The following THEMIS variants were observed in gnomAD, a reference collection of about 807,000 sequenced individuals.
The protein encoded by THEMIS is thymocyte selection associated.
THEMIS carries 37 observed loss-of-function variants against 52.6 expected under a neutral mutation model. The ratio of observed to expected loss-of-function variants is 0.70; its 90% CI spans 0.54 to 0.93. The LOEUF (loss-of-function observed/expected upper bound fraction) is 0.93. THEMIS is among the 40% of genes least tolerant of loss of function. THEMIS has a pLI of 0.00. For missense variants in THEMIS, 808 were observed against 763.1 expected (o/e 1.06, Z -0.69); for synonymous variants, 292 against 272.7 (o/e 1.07, Z -0.70).
At chr6:127,802,224 A>G (rs1777559690) in intron 4 of THEMIS, among the ~76,000 whole-genome samples, 1 of 152,188 alleles carries the variant, frequency 6.6e-6, no homozygotes, top group Admixed American at 6.5e-5. Context: ...AGACCTACTC[A>G]TCCCAGCTGG....
At chr6:127,703,035 G>GTTTTTT in the THEMIS span, among the ~76,000 whole-genome samples, 155 of 82,354 alleles carry the variant, frequency 1.9e-3, 20 homozygotes, top group African/African-American at 6.1e-3. Flanking sequence ...TTTAGAATGA[G>GTTTTTT]TTTTTTTTTT....
downstream of THEMIS, among the ~76,000 whole-genome samples, chr6:127,707,403 TG>T (rs1414636151): frequency 6.6e-6 from 1 of 152,140 alleles, no homozygotes; most frequent in Non-Finnish European, 1.5e-5. Flanking sequence ...GACATGACTG[TG>T]GTGTGTAATA....
intron 4 of THEMIS, among the ~76,000 whole-genome samples, chr6:127,786,350 G>A (rs939795236): frequency 1.3e-5 from 2 of 152,140 alleles, no homozygotes; most frequent in Non-Finnish European, 2.9e-5. Flanking sequence ...AACTGCTATG[G>A]TCTGAAACGT....
At chr6:127,839,503 T>G (rs1015696049) in intron 2 of THEMIS, among the ~76,000 whole-genome samples, 5 of 152,074 alleles carry the variant, frequency 3.3e-5, no homozygotes, top group African/African-American at 7.2e-5. Context: ...CCACCTCTTT[T>G]TTTAATTTTC....
intron 2 of THEMIS, among the ~76,000 whole-genome samples, chr6:127,849,416 T>G (rs1451035657): frequency 6.6e-6 from 1 of 151,874 alleles, no homozygotes; most frequent in Non-Finnish European, 1.5e-5. Flanking sequence ...CGGGCTCTTT[T>G]TTGGTACCAT....
chr6:127,810,767 A>T (rs1777876962), intron 4 of THEMIS, among the ~76,000 whole-genome samples: 1 of 152,140 alleles, frequency 6.6e-6, no homozygotes, highest in Admixed American at 6.6e-5. Flanking sequence ...GCATTAATCC[A>T]ATCAAGGCCC....
chr6:127,724,184 T>C (rs995309183), intron 4 of THEMIS, among the ~76,000 whole-genome samples: 4 of 152,096 alleles, frequency 2.6e-5, no homozygotes, highest in African/African-American at 9.7e-5. Context: ...GTTTTATCCA[T>C]AAAAAACACA....
chr6:127,711,203 G>C (rs1314412021), intron 5 of THEMIS, among the ~76,000 whole-genome samples: 2 of 151,696 alleles, frequency 1.3e-5, no homozygotes, highest in African/African-American at 4.8e-5. Flanking sequence ...TAAAGGAGAA[G>C]GAGGAGAATA....
intron 4 of THEMIS, among the ~76,000 whole-genome samples, chr6:127,729,706 T>C (rs990113025): frequency 1.3e-5 from 2 of 152,224 alleles, no homozygotes; most frequent in Non-Finnish European, 2.9e-5. Context: ...TTCATTTTTC[T>C]GCCAAACTTT....
Position 127,898,080 on chromosome 6 carries a change from T to C in THEMIS, c.91+2762A>G, listed in dbSNP as rs115686147. The stretch of plus-strand genomic sequence containing the variant: ...GGTCATAAATGGACAAAAGTCATGA[T>C]AGTGGTTACACTTGAGGGAGATAGT... On this transcript the variant is annotated intron_variant, in intron 1 of 5. Coordinates refer to ENST00000368248, the MANE Select transcript of THEMIS (RefSeq NM_001010923.3). Among the ~76,000 whole-genome samples, 1,193 of 151,784 alleles carry C rather than the reference T, an allele frequency of 7.9e-3. 19 individuals are homozygous for C. The highest frequency in any genetic ancestry group is 0.027 in the African/African-American group (1,140 of 41,516).
intron 2 of THEMIS, among the ~76,000 whole-genome samples, chr6:127,832,468 T>G (rs189811103): frequency 6.6e-6 from 1 of 152,334 alleles, no homozygotes; most frequent in Admixed American, 6.5e-5. Context: ...AACTAGGACA[T>G]GTTGTAGTTG....
Position 127,812,884 on chromosome 6 carries a change from T to C in THEMIS, c.1757A>G (p.Lys586Arg). The change falls in exon 4 of 6, where the codon AAG becomes AGG. Residue 586 changes from lysine (K) to arginine (R), a missense_variant and splice_region_variant. Physicochemically the swap from Lys to Arg is conservative, Grantham distance 26. Transcript: ENST00000368248. ...ERTVDLPKSP[K>R]RHHVDITKKL... Reference sequence around the variant, plus strand: ...AACATTGCAAAACCATAGCCTTACCTTGGGAGACTTGGGCAGGTCTACCGT... The same window carrying C: ...AACATTGCAAAACCATAGCCTTACCCTGGGAGACTTGGGCAGGTCTACCGT... The C allele has an allele frequency of 6.3e-7, 1 of 1,590,742 alleles. No individual in the cohort carries two copies. The highest frequency in any genetic ancestry group is 8.6e-7 in the Non-Finnish European group (1 of 1,168,030).
At chr6:127,789,350 C>T (rs551178774) in intron 4 of THEMIS, among the ~76,000 whole-genome samples, 5 of 152,034 alleles carry the variant, frequency 3.3e-5, no homozygotes, top group East Asian at 1.9e-4. Flanking sequence ...CTGAATAGAT[C>T]GATTACAGGT....
At chr6:127,772,890 T>C (rs144139861) in intron 4 of THEMIS, among the ~76,000 whole-genome samples, 4 of 152,286 alleles carry the variant, frequency 2.6e-5, no homozygotes, top group African/African-American at 2.4e-5. Flanking sequence ...TATTACTCTA[T>C]AGAATATTAA....
chr6:127,885,952 G>A (rs534402666), intron 1 of THEMIS, among the ~76,000 whole-genome samples: 6 of 151,924 alleles, frequency 3.9e-5, no homozygotes, highest in African/African-American at 1.5e-4. Flanking sequence ...GATTTACTTT[G>A]GTATCTACAG....
At chr6:127,733,884 C>T (rs1774894774) in intron 4 of THEMIS, among the ~76,000 whole-genome samples, 1 of 151,834 alleles carries the variant, frequency 6.6e-6, no homozygotes, top group Admixed American at 6.6e-5. Flanking sequence ...ATAAGAAAAT[C>T]CCATAAAGTG....
At chr6:127,824,599 A>T (rs1778441901) in intron 3 of THEMIS, among the ~76,000 whole-genome samples, 1 of 116,188 alleles carries the variant, frequency 8.6e-6, no homozygotes, top group Non-Finnish European at 1.8e-5. Context: ...ACCAAAACTT[A>T]AAAAAAAAAG....
Position 127,709,906 on chromosome 6 carries a change from G to A in THEMIS, c.*79C>T, listed in dbSNP as rs376384564. The A allele has an allele frequency of 2.8e-4, 377 of 1,337,876 alleles. 1 individual carries two copies. In the African/African-American group the frequency reaches 4.6e-3, roughly 16 times the overall value. 82.9% of individuals were successfully genotyped at this position (1,337,876 alleles called of 1,614,324 possible). The stretch of plus-strand genomic sequence containing the variant: ...TTCTGGAGTCCATTGGGGAATACTC[G>A]TTTTTCAGCTAGAAGGCTAGCTTCT... On this transcript the variant is annotated 3_prime_UTR_variant, in exon 6 of 6. Coordinates refer to ENST00000368248, the MANE Select transcript of THEMIS (RefSeq NM_001010923.3).
chr6:127,726,103 G>A (rs1430430160), intron 4 of THEMIS, among the ~76,000 whole-genome samples: 1 of 152,120 alleles, frequency 6.6e-6, no homozygotes, highest in Non-Finnish European at 1.5e-5. Flanking sequence ...AGTCACAGGT[G>A]TTTGCAAGTG....
Sources: allele counts gnomAD v4.1 joint callset (sites outside exome capture counted in the v4.1 genomes callset), GRCh38; gene constraint gnomAD v4.1.1; transcripts MANE v1.5; gene names NCBI Gene and HGNC (gene_info 2026-07-23, HGNC 2026-07-21).